The following MACROD1 variants were observed in gnomAD, a reference collection of about 807,000 sequenced individuals.
The protein encoded by MACROD1 is ADP-ribose glycohydrolase MACROD1.
MACROD1 carries 31 observed loss-of-function variants against 41.4 expected under a neutral mutation model. The observed-to-expected ratio is 0.75, with a 90% confidence interval of 0.56 to 1.01. The LOEUF is 1.01. Among genes scored for constraint, MACROD1 ranks in the 50% least tolerant of loss-of-function variants. MACROD1 has a pLI of 0.00. For synonymous variants in MACROD1, 252 were observed against 203.4 expected (o/e 1.24, Z -2.03); for missense variants, 473 against 460.0 (o/e 1.03, Z -0.26).
At chr11:64,145,171 T>C (rs968380443) in intron 3 of MACROD1, among the ~76,000 whole-genome samples, 1 of 152,198 alleles carries the variant, frequency 6.6e-6, no homozygotes, top group African/African-American at 2.4e-5. Context: ...CGCCACTTCA[T>C]GACTTATTTT....
intron 3 of MACROD1, among the ~76,000 whole-genome samples, chr11:64,149,834 C>T (rs968117076): frequency 1.3e-5 from 2 of 152,234 alleles, no homozygotes; most frequent in East Asian, 1.9e-4. Context: ...GCAAGAACGC[C>T]CTTCTCCCCT....
chr11:64,165,549 G>A, intron 1 of MACROD1, 148 bp downstream of exon 1: 1 of 604,500 alleles, frequency 1.7e-6, no homozygotes, highest in Non-Finnish European at 2.6e-6. Flanking sequence ...TGTCAATGGG[G>A]AGGAGGGGTC....
rs1038815645 is a variant in MACROD1, at chr11:64,068,193, G to A, written c.518-52912C>T. On this transcript the variant is annotated intron_variant, in intron 3 of 10. Coordinates refer to ENST00000255681, the MANE Select transcript of MACROD1 (RefSeq NM_014067.4). ...CTCACGCTTCGGGAGTGTTGGCAAC[G>A]GTTCTGCCTTCTGTTCAGGTGATGT... Among the ~76,000 whole-genome samples, 8 of 152,334 alleles carry A rather than the reference G, an allele frequency of 5.3e-5. No individual in the cohort carries two copies. The East Asian group carries it at 1.5e-3, about 29-fold the overall frequency.
At position 64,067,983 on chromosome 11, in the gene MACROD1, A is replaced by T. The variant is rs1944037344; in HGVS notation, c.518-52702T>A. 6.6e-6 allele frequency among the ~76,000 whole-genome samples: 1 copy of T among 152,116 alleles called. No homozygotes were observed. The highest frequency in any genetic ancestry group is 2.4e-5 in the African/African-American group (1 of 41,426). ...CCTGACAACTAATTTAATTTAAAAC[A>T]GCCTTGCAATAAAAGCTCAGAACGG... On this transcript the variant is annotated intron_variant, in intron 3 of 10. Coordinates refer to ENST00000255681, the MANE Select transcript of MACROD1 (RefSeq NM_014067.4). This position sits in a 1 kb window ranked among gnomAD's most constrained non-coding sequence, Gnocchi z 4.6.
intron 3 of MACROD1, among the ~76,000 whole-genome samples, chr11:64,021,296 G>A (rs1027043749): frequency 6.6e-6 from 1 of 152,226 alleles, no homozygotes; most frequent in Non-Finnish European, 1.5e-5. Context: ...CTGTGTAGGC[G>A]ACAGGGGCTG....
At chr11:64,088,336 A>T (rs1295417762) in intron 3 of MACROD1, among the ~76,000 whole-genome samples, 1 of 152,054 alleles carries the variant, frequency 6.6e-6, no homozygotes, top group Admixed American at 6.5e-5. Context: ...AGGGAGGGGC[A>T]GCATAGACCA....
At chr11:64,047,082 G>C (rs914333053) in intron 3 of MACROD1, among the ~76,000 whole-genome samples, 2 of 151,740 alleles carry the variant, frequency 1.3e-5, no homozygotes, top group South Asian at 4.2e-4. Flanking sequence ...AGCCTTCGAC[G>C]TGCTGTTCCC....
At chr11:64,016,293 G>A (rs899111710) in intron 3 of MACROD1, among the ~76,000 whole-genome samples, 69 of 152,368 alleles carry the variant, frequency 4.5e-4, no homozygotes, top group Middle Eastern at 3.4e-3. Context: ...CGCAGCCTGC[G>A]TCCGTGGTAA....
chr11:64,042,227 T>C (rs320134), intron 3 of MACROD1, among the ~76,000 whole-genome samples: 10,836 of 152,208 alleles, frequency 0.071, 1,288 homozygotes, highest in African/African-American at 0.24. Context: ...TCCTCTCCTG[T>C]CTTCCCTGAG....
chr11:64,069,911 C>T (rs766015607), intron 3 of MACROD1, among the ~76,000 whole-genome samples: 10 of 152,278 alleles, frequency 6.6e-5, no homozygotes, highest in East Asian at 1.9e-4. Context: ...CAGACCTCAA[C>T]TGAGAAGGCA....
At chr11:64,148,465 T>C (rs1945527300) in intron 3 of MACROD1, among the ~76,000 whole-genome samples, 1 of 152,146 alleles carries the variant, frequency 6.6e-6, no homozygotes, top group African/African-American at 2.4e-5. Context: ...CACGGCGTTC[T>C]CCATGGGCCA....
intron 3 of MACROD1, among the ~76,000 whole-genome samples, chr11:64,074,075 G>T (rs550427626): frequency 2.6e-5 from 4 of 152,306 alleles, no homozygotes; most frequent in African/African-American, 9.6e-5. Context: ...GGGGGTGGGG[G>T]GAATACCCCC....
chr11:64,157,017 C>T (rs1033716463), intron 1 of MACROD1, among the ~76,000 whole-genome samples: 2 of 152,208 alleles, frequency 1.3e-5, no homozygotes, highest in African/African-American at 4.8e-5. Flanking sequence ...AATCCTCGCC[C>T]GCCAGGCCCC....
chr11:64,054,021 G>A (rs1393986068), intron 3 of MACROD1, among the ~76,000 whole-genome samples: 3 of 152,160 alleles, frequency 2.0e-5, no homozygotes, highest in Admixed American at 2.0e-4. Flanking sequence ...TTGCTCCCAC[G>A]TGGTTCAGAA....
At chr11:64,021,510 G>A (rs1351893616) in intron 3 of MACROD1, among the ~76,000 whole-genome samples, 2 of 152,218 alleles carry the variant, frequency 1.3e-5, no homozygotes, top group Non-Finnish European at 2.9e-5. Context: ...GGGCCAGGGA[G>A]AGGCTGGGCG....
chr11:64,107,614 T>C (rs1213785133), intron 3 of MACROD1, among the ~76,000 whole-genome samples: 10 of 152,196 alleles, frequency 6.6e-5, no homozygotes, highest in Non-Finnish European at 1.5e-4. Flanking sequence ...TAATTAACTT[T>C]AGGTTTTAAA....
chr11:64,031,953 G>T (rs1256009426), intron 3 of MACROD1, among the ~76,000 whole-genome samples: 1 of 152,230 alleles, frequency 6.6e-6, no homozygotes, highest in Non-Finnish European at 1.5e-5. Context: ...CCCAGGCTGG[G>T]GCCTGTGGGG....
At chr11:64,001,835 TGGCTG>T in intron 4 of MACROD1, 2 of 687,748 alleles carry the variant, frequency 2.9e-6, no homozygotes, top group Admixed American at 4.0e-5. Flanking sequence ...TGGGGTGCCG[TGGCTG>T]GGCTGTGGAG....
At chr11:64,123,856 G>C (rs1417751667) in intron 3 of MACROD1, among the ~76,000 whole-genome samples, 1 of 152,158 alleles carries the variant, frequency 6.6e-6, no homozygotes, top group Non-Finnish European at 1.5e-5. Context: ...CCCAGCAAAG[G>C]AAACAGGCAG....
Sources: gnomAD v4.1 joint callset for allele counts (sites outside exome capture counted in the v4.1 genomes callset) on GRCh38, gnomAD v4.1.1 for gene constraint, Gnocchi (gnomAD v3.1) non-coding constraint, MANE v1.5 for transcripts, NCBI Gene and HGNC (gene_info 2026-07-23, HGNC 2026-07-21) for gene names.